Variants in PIEZO2 observed in about 807,000 individuals in gnomAD.
PIEZO2 encodes piezo type mechanosensitive ion channel component 2, also known as piezo-type mechanosensitive ion channel component 2.
In PIEZO2, 172 loss-of-function variants were observed where a neutral mutation model predicts 337.3. The observed-to-expected ratio is 0.51, with a 90% confidence interval of 0.45 to 0.58. PIEZO2 has a LOEUF of 0.58. PIEZO2 is among the 20% of genes least tolerant of loss of function. The pLI, the probability that PIEZO2 is intolerant of heterozygous loss-of-function variation, is 0.00. For missense variants in PIEZO2, 3,028 were observed against 3,391.3 expected (o/e 0.89, Z 2.66); for synonymous variants, 1,251 against 1,228.5 (o/e 1.02, Z -0.38).
At chr18:10,674,363 A>C (rs1384498801) in intron 54 of PIEZO2, among the ~76,000 whole-genome samples, 1 of 152,258 alleles carries the variant, frequency 6.6e-6, no homozygotes, top group Non-Finnish European at 1.5e-5. Context: ...ACTGAAAGGG[A>C]AATAGCAAAC....
At chr18:11,007,695 CAGA>C (rs1435379445) in intron 2 of PIEZO2, among the ~76,000 whole-genome samples, 2 of 152,058 alleles carry the variant, frequency 1.3e-5, no homozygotes, top group Admixed American at 1.3e-4. Context: ...CAATGGAAAC[CAGA>C]AGATGTTGGA....
Position 10,803,725 on chromosome 18 carries a change from C to T in PIEZO2, c.1200+150G>A, listed in dbSNP as rs1393106305. The T allele has an allele frequency of 1.1e-5, 10 of 915,570 alleles. No homozygotes were observed. The South Asian group carries it at 2.8e-4, about 26-fold the overall frequency. The allele number at this position is 915,570 out of a possible 1,614,324, so 56.7% of individuals were successfully genotyped here. On this transcript the variant is annotated intron_variant, in intron 9 of 55. Transcript: ENST00000674853. ...TTTCTTTGGAAATAGTTTTCCCTCT[C>T]TGGTACTAACTCTCCTAAATCACTG...
intron 46 of PIEZO2, 22 bp downstream of exon 46, chr18:10,696,370 T>C (rs1310423101): frequency 2.5e-6 from 4 of 1,614,192 alleles, no homozygotes; most frequent in Non-Finnish European, 3.4e-6. Flanking sequence ...GGGCGGGTGC[T>C]GTGGCCTTTG....
chr18:10,760,263 C>T lies in PIEZO2; in HGVS notation c.3451-354G>A, dbSNP rs542289335. ...TTAAAACAGTTCATTTTGGCTGCAG[C>T]TTATGGTTTCAGAATGCACAAAAAG... On this transcript the variant is annotated intron_variant, in intron 24 of 55. Transcript: ENST00000674853. Among the ~76,000 whole-genome samples, 10 of 152,274 alleles carry T rather than the reference C, an allele frequency of 6.6e-5. No homozygotes were observed. In the South Asian group the frequency reaches 2.1e-3, roughly 32 times the overall value.
rs1182014882 is a variant in PIEZO2, at chr18:10,811,228, T to C, written c.918-3954A>G. On this transcript the variant is annotated intron_variant, in intron 7 of 55. Transcript: ENST00000674853. ...AGTCACCATCGCCGGGAAATGTCTA[T>C]GATTTCTCCTTCTTAGATTCAGTTT... Among the ~76,000 whole-genome samples, 5 of 152,332 alleles carry C rather than the reference T, an allele frequency of 3.3e-5. No individual in the cohort carries two copies. In the South Asian group the frequency reaches 6.2e-4, roughly 19 times the overall value.
At chr18:10,705,207 T>C in intron 41 of PIEZO2, 129 bp downstream of exon 41, 1 of 1,209,432 alleles carries the variant, frequency 8.3e-7, no homozygotes, top group Non-Finnish European at 1.1e-6. Flanking sequence ...AGTCTTGGAA[T>C]TGTCTGTTTG....
chr18:11,095,510 C>T (rs2039237103), intron 1 of PIEZO2, among the ~76,000 whole-genome samples: 1 of 152,176 alleles, frequency 6.6e-6, no homozygotes, highest in South Asian at 2.1e-4. Context: ...CCCACTGCAG[C>T]CCACACTTTG....
intron 3 of PIEZO2, among the ~76,000 whole-genome samples, chr18:10,948,578 G>A (rs2033143174): frequency 6.6e-6 from 1 of 152,166 alleles, no homozygotes. Context: ...TCACTAATGA[G>A]GTTAGGACAT....
intron 8 of PIEZO2, 80 bp downstream of exon 8, chr18:10,807,032 A>G (rs2144326107): frequency 7.4e-7 from 1 of 1,360,134 alleles, no homozygotes; most frequent in Middle Eastern, 1.8e-4. Flanking sequence ...ATTAGTCAGT[A>G]GAGAACAGGA....
At chr18:10,738,668 T>C (rs1057287157) in intron 33 of PIEZO2, 2 of 152,226 alleles carry the variant, frequency 1.3e-5, no homozygotes, top group African/African-American at 4.8e-5. Flanking sequence ...ATCATGGATG[T>C]TGATGTTACT....
chr18:10,711,358 G>A (rs2035811802), intron 39 of PIEZO2, among the ~76,000 whole-genome samples: 1 of 151,938 alleles, frequency 6.6e-6, no homozygotes, highest in Admixed American at 6.6e-5. Context: ...CTGATTCAGA[G>A]TTTGGTTCTA....
Position 10,682,226 on chromosome 18 carries a change from T to C in PIEZO2, c.7564A>G (p.Ile2522Val). 2 of 1,537,248 alleles carry C rather than the reference T, an allele frequency of 1.3e-6. No homozygotes were observed. Among genetic ancestry groups the C allele is most frequent in the Non-Finnish European group, 1.7e-6 (2 of 1,146,898 alleles). Residue 2522 changes from isoleucine to valine, a missense_variant, in exon 50 of 56, where the codon ATC (isoleucine) becomes GTC (valine). This residue lies in a region of PIEZO2 where 179 missense variants were observed against 281.8 expected (regional missense o/e 0.64). Transcript: ENST00000674853. This position sits in a 1 kb window ranked among gnomAD's most constrained non-coding sequence, Gnocchi z 5.6. ...CAGACAATGCAGATGAGCAGGACGATGATCATTCCTCCCATGCCATACTTC... is the reference window on the plus strand; with the variant it reads ...CAGACAATGCAGATGAGCAGGACGACGATCATTCCTCCCATGCCATACTTC... ...VVKYGMGGMI[I>V]VLLICIVWFP...
chr18:10,935,485 A>G (rs2032341655), intron 3 of PIEZO2, among the ~76,000 whole-genome samples: 1 of 152,296 alleles, frequency 6.6e-6, no homozygotes, highest in South Asian at 2.1e-4. Context: ...ACAACTCTCC[A>G]TTGTTTGAGA....
rs1336974383 is a variant in PIEZO2, at chr18:10,670,287, C to G, written c.*1240G>C. 6.6e-6 allele frequency: 1 copy of G among 152,110 alleles called. No homozygotes were observed. The highest frequency in any genetic ancestry group is 1.5e-5 in the Non-Finnish European group (1 of 68,026). The allele number at this position is 152,110 out of a possible 1,614,324, so 9.4% of individuals were successfully genotyped here. Reference sequence around the variant, plus strand: ...TGCTTTATTTTAAGTCAGCCCTGAACCCAAACTACACAGGATCAATTTTTG... The same window carrying G: ...TGCTTTATTTTAAGTCAGCCCTGAAGCCAAACTACACAGGATCAATTTTTG... On this transcript the variant is annotated 3_prime_UTR_variant, in exon 56 of 56. Transcript: ENST00000674853.
chr18:11,052,293 C>T (rs1395114400), intron 2 of PIEZO2, among the ~76,000 whole-genome samples: 1 of 152,168 alleles, frequency 6.6e-6, no homozygotes, highest in Non-Finnish European at 1.5e-5. Flanking sequence ...TTGACTTTTA[C>T]AGTCAGGATT....
chr18:10,991,990 G>T (rs150046136), intron 2 of PIEZO2, among the ~76,000 whole-genome samples: 1 of 152,118 alleles, frequency 6.6e-6, no homozygotes, highest in Non-Finnish European at 1.5e-5. Flanking sequence ...GTGATGATGA[G>T]CTTTTTTTCA....
At chr18:10,711,366 C>T (rs1035043723) in intron 39 of PIEZO2, among the ~76,000 whole-genome samples, 3 of 152,018 alleles carry the variant, frequency 2.0e-5, no homozygotes, top group Non-Finnish European at 2.9e-5. Context: ...GAGTTTGGTT[C>T]TAGAGCATCT....
intron 45 of PIEZO2, among the ~76,000 whole-genome samples, chr18:10,697,298 C>A (rs1033106400): frequency 1.3e-5 from 2 of 152,176 alleles, no homozygotes; most frequent in Non-Finnish European, 2.9e-5. Context: ...CACTTCCATC[C>A]CCAGCAGGTG....
rs1189933761 is a variant in PIEZO2, at chr18:10,945,615, C to A, written c.286+33920G>T. On this transcript the variant is annotated intron_variant, in intron 3 of 55. Transcript: ENST00000674853. The surrounding 1 kb of genome is among the most constrained non-coding windows in gnomAD (Gnocchi z 4.0). ...GAATATAAAAATGTCTAGCACCCAA[C>A]AAGGTAAAATTCACAAGCTAGGTAT... 6.6e-6 allele frequency among the ~76,000 whole-genome samples: 1 copy of A among 152,004 alleles called. No homozygotes were observed. Among genetic ancestry groups the A allele is most frequent in the Non-Finnish European group, 1.5e-5 (1 of 68,016 alleles).
Sources: allele counts gnomAD v4.1 joint callset (sites outside exome capture counted in the v4.1 genomes callset), GRCh38; gene constraint gnomAD v4.1.1; regional missense constraint gnomAD v4.1.1; non-coding constraint Gnocchi (gnomAD v3.1); transcripts MANE v1.5; gene names NCBI Gene and HGNC (gene_info 2026-07-23, HGNC 2026-07-21).